NIPAL3: variants seen among roughly 807,000 people sequenced by gnomAD.
The protein encoded by NIPAL3 is NIPA-like protein 3.
Under a neutral mutation model 47.2 loss-of-function variants are expected in NIPAL3, and 41 were observed. The ratio of observed to expected loss-of-function variants is 0.87; its 90% confidence interval spans 0.68 to 1.13. NIPAL3 has a LOEUF of 1.13. Among genes scored for constraint, NIPAL3 ranks in the 50% most tolerant of loss-of-function variants. The pLI is 0.00. For synonymous variants in NIPAL3, 194 were observed against 209.6 expected (o/e 0.93, Z 0.64); for missense variants, 449 against 530.1 (o/e 0.85, Z 1.50).
intron 6 of NIPAL3, 30 bp from the exon 7 acceptor site, chr1:24,453,378 A>G (rs757243708): frequency 6.4e-7 from 1 of 1,574,796 alleles, no homozygotes; most frequent in Non-Finnish European, 8.7e-7. Flanking sequence ...TGTGGTCCCC[A>G]CTGACCCCCC....
intron 2 of NIPAL3, among the ~76,000 whole-genome samples, chr1:24,427,567 T>C (rs867976901): frequency 1.1e-4 from 17 of 152,312 alleles, no homozygotes; most frequent in African/African-American, 3.6e-4. Flanking sequence ...AAGGTTATTT[T>C]TTTTTCCTAA....
chr1:24,445,165 C>T lies in NIPAL3; in HGVS notation c.335-20C>T. On this transcript the variant is annotated intron_variant, in intron 4 of 11. Transcript: ENST00000374399. ...CTGACAGCAGCCTCAATTCCCTTTT[C>T]TTTGTGCTTCATTTTTCAGCTAGTG... The T allele has an allele frequency of 6.3e-7, 1 of 1,597,502 alleles. No homozygotes were observed. Among genetic ancestry groups the T allele is most frequent in the Non-Finnish European group, 8.6e-7 (1 of 1,165,150 alleles).
In NIPAL3 at chr1:24,464,125, G is replaced by A; in HGVS notation, c.1021+5G>A. ...TTTCCATGGATGCCATGCCAGGTAA[G>A]GTTAAAGCCCCGTGGGTCTAGCTGA... On this transcript the variant is annotated splice_donor_5th_base_variant and intron_variant, in intron 11 of 11. Coordinates refer to ENST00000374399, the MANE Select transcript of NIPAL3 (RefSeq NM_020448.5). 6.2e-7 allele frequency: 1 copy of A among 1,611,302 alleles called. No homozygotes were observed.
chr1:24,461,006 A>G (rs1337628740), intron 10 of NIPAL3, among the ~76,000 whole-genome samples: 1 of 152,250 alleles, frequency 6.6e-6, no homozygotes, highest in Non-Finnish European at 1.5e-5. Context: ...ATTCCATTCT[A>G]ATCATTTATC....
intron 2 of NIPAL3, chr1:24,433,088 T>C (rs1158269944): frequency 1.3e-5 from 2 of 152,260 alleles, no homozygotes; most frequent in South Asian, 4.1e-4. Flanking sequence ...GGGTTTATCT[T>C]GTTTCATTCT....
intron 11 of NIPAL3, among the ~76,000 whole-genome samples, chr1:24,467,447 G>C (rs913964481): frequency 1.3e-5 from 2 of 152,230 alleles, no homozygotes; most frequent in South Asian, 2.1e-4. Context: ...TCCAGCCTGG[G>C]TCTGGGTGGA....
intron 2 of NIPAL3, among the ~76,000 whole-genome samples, chr1:24,434,847 A>G (rs555193234): frequency 9.2e-5 from 14 of 152,196 alleles, no homozygotes; most frequent in Non-Finnish European, 2.1e-4. Flanking sequence ...CTAAATAACC[A>G]ACAAGTCAAT....
intron 6 of NIPAL3, among the ~76,000 whole-genome samples, chr1:24,450,723 G>A (rs148128488): frequency 9.8e-4 from 149 of 152,282 alleles, no homozygotes; most frequent in African/African-American, 3.4e-3. Context: ...TTTGAAGGCC[G>A]GGCCCACCTG....
Position 24,454,330 on chromosome 1 carries a change from G to A in NIPAL3, c.637+826G>A, listed in dbSNP as rs1646092337. On this transcript the variant is annotated intron_variant, in intron 7 of 11. Transcript: ENST00000374399. This position sits in a 1 kb window ranked among gnomAD's most constrained non-coding sequence, Gnocchi z 4.1. ...CCGCGCTGCTCTTGAGTGGCCTCAG[G>A]CTAATGACCCTCCCTCCTTAAGCCA... 5 of 1,105,832 alleles carry A rather than the reference G, an allele frequency of 4.5e-6. 1 individual carries two copies. The South Asian group carries it at 6.5e-5, about 14-fold the overall frequency. 68.5% of individuals were successfully genotyped at this position (1,105,832 alleles called of 1,614,324 possible).
At chr1:24,460,580 G>T (rs1227210025) in intron 10 of NIPAL3, 36 bp downstream of exon 10, 2 of 1,528,626 alleles carry the variant, frequency 1.3e-6, no homozygotes, top group Admixed American at 2.4e-5. Context: ...CCAAAACATT[G>T]TGTGTAGAAT....
chr1:24,466,321 T>A, intron 11 of NIPAL3: 1 of 364,260 alleles, frequency 2.7e-6, no homozygotes, highest in Non-Finnish European at 5.0e-6. Context: ...AATAAATAAA[T>A]AAATAAAAGA....
chr1:24,443,390 G>A (rs1645493020), intron 4 of NIPAL3, among the ~76,000 whole-genome samples: 1 of 152,192 alleles, frequency 6.6e-6, no homozygotes, highest in Non-Finnish European at 1.5e-5. Flanking sequence ...GCTCTTAAAG[G>A]AGAAAGTCAT....
At chr1:24,422,245 C>T (rs1644368272) in intron 2 of NIPAL3, 1 of 152,150 alleles carries the variant, frequency 6.6e-6, no homozygotes, top group Non-Finnish European at 1.5e-5. Flanking sequence ...TGTTGTTTCC[C>T]CTTCCTATGC....
At chr1:24,415,741 C>A (rs1643987155), upstream of NIPAL3, 3 of 658,192 alleles carry the variant, frequency 4.6e-6, no homozygotes, top group African/African-American at 3.9e-5. Flanking sequence ...GACTGGCAGG[C>A]AGTCTGGCAA....
In NIPAL3 at chr1:24,469,183, T is replaced by G. The variant is rs1423933693; in HGVS notation, c.1219T>G (p.Ter407GlyextTer75). The change falls in exon 12 of 12, where the codon TGA (stop) becomes GGA (glycine). Residue 407 changes from the stop codon to glycine, a stop_lost. Coordinates refer to ENST00000374399, the MANE Select transcript of NIPAL3 (RefSeq NM_020448.5). ...YRVLEHTKKE* is the reference protein window; with the variant it reads ...YRVLEHTKKEG ...AGTCCTAGAGCACACCAAGAAGGAA[T>G]GAGACTCGCCTCCCTCTATTTATAA... 1.2e-6 allele frequency: 2 copies of G among 1,613,068 alleles called. No individual in the cohort carries two copies. The highest frequency in any genetic ancestry group is 3.3e-5 in the Admixed American group (2 of 59,952).
rs1227001639 is a variant in NIPAL3, at chr1:24,470,895, A to G, written c.*1710A>G. ...TTAGGATGGGTATCAATTCAACAAT[A>G]TTTATAAGGCATTTACTGTGTGCTA... On this transcript the variant is annotated 3_prime_UTR_variant, in exon 12 of 12. Coordinates refer to ENST00000374399, the MANE Select transcript of NIPAL3 (RefSeq NM_020448.5). The G allele has an allele frequency of 6.6e-6, 1 of 152,234 alleles. No homozygotes were observed. The highest frequency in any genetic ancestry group is 1.5e-5 in the Non-Finnish European group (1 of 68,060). The allele number at this position is 152,234 out of a possible 1,614,324, so 9.4% of individuals were successfully genotyped here.
intron 2 of NIPAL3, among the ~76,000 whole-genome samples, chr1:24,426,066 C>T (rs898563654): frequency 5.3e-5 from 8 of 152,186 alleles, no homozygotes; most frequent in Admixed American, 3.9e-4. Flanking sequence ...ACGGTTATAA[C>T]CCCATTTTAC....
In NIPAL3 at chr1:24,472,147, G is replaced by A. The variant is rs1336500170; in HGVS notation, c.*2962G>A. The A allele has an allele frequency of 6.6e-6, 1 of 152,114 alleles. No individual in the cohort carries two copies. Among genetic ancestry groups the A allele is most frequent in the East Asian group, 1.9e-4 (1 of 5,180 alleles). The allele number at this position is 152,114 out of a possible 1,614,324, so 9.4% of individuals were successfully genotyped here. A position where few individuals can be genotyped will look rare whatever the true frequency, so the allele number is the denominator to read the frequency against. Reference sequence around the variant, plus strand: ...GTGCCACCCAGGAACTGCTGCTGAGGCCTGGGAAGCTCCCTTGCCTTCGGG... The same window carrying A: ...GTGCCACCCAGGAACTGCTGCTGAGACCTGGGAAGCTCCCTTGCCTTCGGG... On this transcript the variant is annotated 3_prime_UTR_variant, in exon 12 of 12. Transcript: ENST00000374399.
At chr1:24,441,974 G>T in intron 3 of NIPAL3, 81 bp from the exon 4 acceptor site, 1 of 1,426,968 alleles carries the variant, frequency 7.0e-7, no homozygotes, top group Non-Finnish European at 9.6e-7. Flanking sequence ...TTGCAAGTTG[G>T]GGGTGGATTT....
Sources: allele counts gnomAD v4.1 joint callset (sites outside exome capture counted in the v4.1 genomes callset), GRCh38; gene constraint gnomAD v4.1.1; non-coding constraint Gnocchi (gnomAD v3.1); transcripts MANE v1.5; gene names NCBI Gene and HGNC (gene_info 2026-07-23, HGNC 2026-07-21).